Variants in LOC400499 observed in about 807,000 individuals in gnomAD.
the LOC400499 span, chr16:11,459,914 C>T: frequency 2.1e-6 from 3 of 1,449,420 alleles, no homozygotes; most frequent in Non-Finnish European, 2.7e-6. Context: ...AGTGATTGCT[C>T]AGGGCGGGCC....
At chr16:11,381,805 C>G in the LOC400499 span, among the ~76,000 whole-genome samples, 1 of 152,120 alleles carries the variant, frequency 6.6e-6, no homozygotes, top group Non-Finnish European at 1.5e-5. Context: ...TTCCTTCTTT[C>G]CACCCTCTTC....
the LOC400499 span, among the ~76,000 whole-genome samples, chr16:11,397,753 GGGATGGAGGGAGGGAGGGAT>G: frequency 0.011 from 431 of 40,982 alleles, 15 homozygotes; most frequent in Middle Eastern, 0.036. Context: ...GAGGGAGGGA[GGGATGGAGGGAGGGAGGGAT>G]GGAGGGAGGG....
At chr16:11,426,353 T>C in the LOC400499 span, among the ~76,000 whole-genome samples, 1 of 152,002 alleles carries the variant, frequency 6.6e-6, no homozygotes, top group Non-Finnish European at 1.5e-5. Context: ...GGAGACTCGC[T>C]TGAAACTGGG....
At chr16:11,496,535 G>T in the LOC400499 span, among the ~76,000 whole-genome samples, 1 of 152,160 alleles carries the variant, frequency 6.6e-6, no homozygotes, top group Admixed American at 6.6e-5. Context: ...TCCCACTTGG[G>T]TGTGCAGGTG....
chr16:11,514,861 A>G, the LOC400499 span, among the ~76,000 whole-genome samples: 1 of 152,204 alleles, frequency 6.6e-6, no homozygotes, highest in Non-Finnish European at 1.5e-5. Context: ...CAAACAGCAG[A>G]GGCCCACCTC....
the LOC400499 span, among the ~76,000 whole-genome samples, chr16:11,474,816 G>C: frequency 2.0e-5 from 3 of 152,130 alleles, no homozygotes; most frequent in Non-Finnish European, 2.9e-5. Flanking sequence ...GCTGCAGTGA[G>C]CCATGATTGC....
chr16:11,380,905 C>T, the LOC400499 span: 5 of 156,136 alleles, frequency 3.2e-5, no homozygotes, highest in Middle Eastern at 2.0e-3. Flanking sequence ...TGTCTTGGCA[C>T]TTCATAGTTG....
chr16:11,376,941 CTTTTTTTTTTTT>C, the LOC400499 span, among the ~76,000 whole-genome samples: 5 of 142,908 alleles, frequency 3.5e-5, no homozygotes, highest in Non-Finnish European at 7.5e-5. Context: ...TGTAAATGGA[CTTTTTTTTTTTT>C]TTTAAAGATG....
the LOC400499 span, among the ~76,000 whole-genome samples, chr16:11,522,621 G>C: frequency 6.6e-6 from 1 of 152,162 alleles, no homozygotes; most frequent in Admixed American, 6.5e-5. Flanking sequence ...CCAACTTTGA[G>C]GTGAATACTC....
the LOC400499 span, chr16:11,407,326 G>A: frequency 1.0e-5 from 4 of 395,864 alleles, no homozygotes; most frequent in Non-Finnish European, 1.8e-5. Flanking sequence ...CCTCACCCTT[G>A]GAGTAGTGTA....
chr16:11,424,712 G>C, the LOC400499 span, among the ~76,000 whole-genome samples: 1 of 152,118 alleles, frequency 6.6e-6, no homozygotes, highest in Non-Finnish European at 1.5e-5. Context: ...TGCACCTGGG[G>C]GCCCCTCCAG....
At chr16:11,525,292 CA>C in the LOC400499 span, among the ~76,000 whole-genome samples, 12,200 of 124,846 alleles carry the variant, frequency 0.098, 566 homozygotes, top group African/African-American at 0.14. Flanking sequence ...GACCTTGTCC[CA>C]AAAAAAAAAA....
chr16:11,505,432 T>TTA, the LOC400499 span, among the ~76,000 whole-genome samples: 1 of 148,550 alleles, frequency 6.7e-6, no homozygotes, highest in African/African-American at 2.5e-5. Flanking sequence ...TTGATTTTTT[T>TTA]AATTTTTCTT....
At chr16:11,458,866 C>G in the LOC400499 span, among the ~76,000 whole-genome samples, 1 of 151,798 alleles carries the variant, frequency 6.6e-6, no homozygotes, top group Non-Finnish European at 1.5e-5. Flanking sequence ...GAAATCCCGT[C>G]TCTACTAAAA....
the LOC400499 span, among the ~76,000 whole-genome samples, chr16:11,481,760 A>T: frequency 1.3e-5 from 2 of 152,030 alleles, no homozygotes; most frequent in Admixed American, 6.6e-5. Flanking sequence ...AGCCTCCAGA[A>T]TATCTGGTAT....
At chr16:11,451,730 T>G in the LOC400499 span, among the ~76,000 whole-genome samples, 2 of 150,396 alleles carry the variant, frequency 1.3e-5, no homozygotes, top group Non-Finnish European at 3.0e-5. Context: ...CAAGGGGGAG[T>G]TGATCAAAGG....
At chr16:11,393,245 C>T in the LOC400499 span, 9 of 499,102 alleles carry the variant, frequency 1.8e-5, no homozygotes, top group African/African-American at 6.1e-5. Context: ...TCACCCATCT[C>T]GGCCTCCCAA....
At chr16:11,513,406 C>A in the LOC400499 span, among the ~76,000 whole-genome samples, 487 of 126,908 alleles carry the variant, frequency 3.8e-3, no homozygotes, top group Non-Finnish European at 5.1e-3. Context: ...ACTGTGTCTC[C>A]AAAAAAAAAA....
the LOC400499 span, among the ~76,000 whole-genome samples, chr16:11,380,499 C>A: frequency 2.0e-5 from 3 of 151,836 alleles, no homozygotes; most frequent in Non-Finnish European, 4.4e-5. Context: ...GCACTCCAGC[C>A]TGAAGGACAG....
Sources: gnomAD v4.1 joint callset for allele counts (sites outside exome capture counted in the v4.1 genomes callset) on GRCh38, gnomAD v4.1.1 for gene constraint, MANE v1.5 for transcripts.